Variants in ANKMY1 observed in about 807,000 individuals in gnomAD.
ANKMY1 encodes the protein ankyrin repeat and MYND domain-containing protein 1.
Under a neutral mutation model 102.0 loss-of-function variants are expected in ANKMY1, and 98 were observed. That is an observed-to-expected ratio of 0.96 (90% CI 0.82 to 1.14). The LOEUF is 1.14. Among genes scored for constraint, ANKMY1 ranks in the 50% most tolerant of loss-of-function variants. ANKMY1 has a pLI of 0.00. For synonymous variants in ANKMY1, 582 were observed against 559.9 expected (o/e 1.04, Z -0.56); for missense variants, 1,330 against 1,347.6 (o/e 0.99, Z 0.20).
intron 4 of ANKMY1, among the ~76,000 whole-genome samples, chr2:240,542,960 T>G (rs913357628): frequency 6.6e-6 from 1 of 151,036 alleles, no homozygotes; most frequent in Non-Finnish European, 1.5e-5. Context: ...AAAAATATAA[T>G]TAATAATTAG....
the ANKMY1 span, among the ~76,000 whole-genome samples, chr2:240,468,969 C>T: frequency 2.0e-5 from 3 of 152,224 alleles, no homozygotes; most frequent in African/African-American, 7.2e-5. Flanking sequence ...CCGCAAGTCC[C>T]AGAGGCCCGG....
At chr2:240,533,900 A>G (rs895156242) in intron 4 of ANKMY1, among the ~76,000 whole-genome samples, 1 of 152,246 alleles carries the variant, frequency 6.6e-6, no homozygotes, top group Admixed American at 6.5e-5. Context: ...GTCCTTCCGT[A>G]TCTGCAGTTT....
intron 7 of ANKMY1, among the ~76,000 whole-genome samples, chr2:240,525,407 C>T (rs993091854): frequency 6.6e-6 from 1 of 152,250 alleles, no homozygotes; most frequent in African/African-American, 2.4e-5. Flanking sequence ...TGCCCACTCT[C>T]CCTCCACAGC....
intron 5 of ANKMY1, 27 bp from the exon 6 acceptor site, chr2:240,526,472 C>T (rs750550066): frequency 1.2e-6 from 2 of 1,613,618 alleles, no homozygotes; most frequent in Non-Finnish European, 1.7e-6. Context: ...TTTCAGTGGT[C>T]CTAGACCAGG....
chr2:240,512,868 C>T lies in ANKMY1; in HGVS notation c.2079G>A (p.Leu693=). The T allele has an allele frequency of 1.2e-6, 2 of 1,614,088 alleles. No individual in the cohort carries two copies. The highest frequency in any genetic ancestry group is 2.2e-5 in the East Asian group (1 of 44,876). ...GEEGVQIVEL[L]LHAITDVDAK... ...CGTCCACATCGGTGATGGCATGCAA[C>T]AGCAGCTCCACAATCTGTACCCCCT... Residue 693 remains leucine, a synonymous_variant, in exon 10 of 18, where the codon CTG becomes CTA. Coordinates refer to ENST00000401804, the MANE Select transcript of ANKMY1 (RefSeq NM_001282771.3).
rs372488280 is a variant in ANKMY1 at position 240,507,544 on chromosome 2, G to A, written c.2526+16C>T. 6.3e-7 allele frequency: 1 copy of A among 1,585,914 alleles called. No individual in the cohort carries two copies. Among genetic ancestry groups the A allele is most frequent in the Non-Finnish European group, 8.6e-7 (1 of 1,165,660 alleles). ...AAACCCCCTCACCAGGGCCACCCCA[G>A]CCTCCTGCCCCTCACCAGGGCCAGC... On this transcript the variant is annotated intron_variant, in intron 13 of 17. Coordinates refer to ENST00000401804, the MANE Select transcript of ANKMY1 (RefSeq NM_001282771.3).
rs756819672 is a variant in ANKMY1 at position 240,506,875 on chromosome 2, T to C, written c.2526+685A>G. ...ACATGGGAGGGACACTCCAGGGACGTGCCTAGGGCTCAGGACAGAAGGTGT... is the reference window on the plus strand; with the variant it reads ...ACATGGGAGGGACACTCCAGGGACGCGCCTAGGGCTCAGGACAGAAGGTGT... On this transcript the variant is annotated intron_variant, in intron 13 of 17. Coordinates refer to ENST00000401804, the MANE Select transcript of ANKMY1 (RefSeq NM_001282771.3). The surrounding 1 kb of genome is among the most constrained non-coding windows in gnomAD (Gnocchi z 4.9). 5.0e-4 allele frequency among the ~76,000 whole-genome samples: 76 copies of C among 152,110 alleles called. No individual in the cohort carries two copies. Among genetic ancestry groups the C allele is most frequent in the Non-Finnish European group, 8.7e-4 (59 of 68,026 alleles).
intron 4 of ANKMY1, among the ~76,000 whole-genome samples, chr2:240,547,525 A>C (rs2090628166): frequency 6.9e-6 from 1 of 145,650 alleles, no homozygotes; most frequent in Non-Finnish European, 1.5e-5. Flanking sequence ...AGCAGAACTG[A>C]AGGAAATAGA....
chr2:240,538,453 C>T (rs1442866029), intron 4 of ANKMY1, among the ~76,000 whole-genome samples: 1 of 152,182 alleles, frequency 6.6e-6, no homozygotes, highest in East Asian at 1.9e-4. Context: ...GCGCCAGGTC[C>T]CTCAGCACTG....
At chr2:240,525,553 C>T in intron 7 of ANKMY1, 132 bp downstream of exon 7, 1 of 1,184,532 alleles carries the variant, frequency 8.4e-7, no homozygotes, top group Non-Finnish European at 1.2e-6. Flanking sequence ...TCTCTCTTGC[C>T]CACTCCCTGC....
chr2:240,502,194 G>A (rs886387653), intron 13 of ANKMY1, among the ~76,000 whole-genome samples: 4 of 140,628 alleles, frequency 2.8e-5, no homozygotes, highest in African/African-American at 8.1e-5. Flanking sequence ...TCTTGTCTAC[G>A]TAGGGCACCC....
At chr2:240,556,303 T>C (rs2092338308) in intron 2 of ANKMY1, among the ~76,000 whole-genome samples, 1 of 152,182 alleles carries the variant, frequency 6.6e-6, no homozygotes, top group African/African-American at 2.4e-5. Context: ...GCCTCCTAAT[T>C]GCCATCATGT....
chr2:240,472,970 T>C, the ANKMY1 span, among the ~76,000 whole-genome samples: 4 of 147,068 alleles, frequency 2.7e-5, no homozygotes, highest in South Asian at 6.5e-4. Context: ...ACTAAAAATA[T>C]AAAAATTAAC....
At chr2:240,492,665 C>T (rs2076783276) in intron 15 of ANKMY1, among the ~76,000 whole-genome samples, 1 of 152,102 alleles carries the variant, frequency 6.6e-6, no homozygotes, top group Non-Finnish European at 1.5e-5. Context: ...TCTTCTATTT[C>T]AGGTCCTTTT....
intron 13 of ANKMY1, among the ~76,000 whole-genome samples, chr2:240,503,125 G>GCACCTTT (rs2078492729): frequency 1.3e-5 from 2 of 152,300 alleles, no homozygotes; most frequent in Admixed American, 1.3e-4. Context: ...GGGAAGGCTG[G>GCACCTTT]GACCTTTCCG....
rs1440432974 is a variant in ANKMY1, at chr2:240,507,552, C to T, written c.2526+8G>A. On this transcript the variant is annotated splice_region_variant and intron_variant, in intron 13 of 17. Coordinates refer to ENST00000401804, the MANE Select transcript of ANKMY1 (RefSeq NM_001282771.3). ...TCACCAGGGCCACCCCAGCCTCCTG[C>T]CCCTCACCAGGGCCAGCTTGCTGTC... 1.2e-6 allele frequency: 2 copies of T among 1,602,566 alleles called. No homozygotes were observed. The highest frequency in any genetic ancestry group is 4.5e-5 in the East Asian group (2 of 44,556).
At chr2:240,557,001 A>G (rs755266865) in intron 2 of ANKMY1, among the ~76,000 whole-genome samples, 189 bp downstream of exon 2, 3 of 138,452 alleles carry the variant, frequency 2.2e-5, no homozygotes, top group Admixed American at 7.4e-5. Flanking sequence ...GAAGGTTCCA[A>G]TTACCATCTA....
At chr2:240,479,146 A>G (rs148299614), downstream of ANKMY1, among the ~76,000 whole-genome samples, 2 of 152,338 alleles carry the variant, frequency 1.3e-5, no homozygotes, top group African/African-American at 4.8e-5. Flanking sequence ...AAACCCCAGT[A>G]GGAGCCTTGC....
chr2:240,560,690 A>G (rs2092905397), upstream of ANKMY1: 2 of 1,523,496 alleles, frequency 1.3e-6, no homozygotes, highest in South Asian at 2.4e-5. Flanking sequence ...GCGCCATGGG[A>G]CCGGCAGAAG....
Sources: allele counts gnomAD v4.1 joint callset (sites outside exome capture counted in the v4.1 genomes callset), GRCh38; gene constraint gnomAD v4.1.1; non-coding constraint Gnocchi (gnomAD v3.1); transcripts MANE v1.5; gene names NCBI Gene and HGNC (gene_info 2026-07-23, HGNC 2026-07-21).